PPP2R2C: variants seen among roughly 807,000 people sequenced by gnomAD.
PPP2R2C encodes protein phosphatase 2, regulatory subunit B, gamma.
In PPP2R2C, 10 loss-of-function variants were observed where a neutral mutation model predicts 45.3. The ratio of observed to expected loss-of-function variants is 0.22; its 90% CI spans 0.14 to 0.37. The LOEUF (loss-of-function observed/expected upper bound fraction) is 0.37. Ranked by LOEUF, PPP2R2C falls within the 10% of genes least tolerant of loss-of-function variation. The pLI, the probability that PPP2R2C is intolerant of heterozygous loss-of-function variation, is 1.00. For missense variants in PPP2R2C, 308 were observed against 619.7 expected (o/e 0.50, Z 5.34); for synonymous variants, 257 against 245.4 (o/e 1.05, Z -0.44).
At chr4:6,389,204 C>A (rs61215456) in intron 1 of PPP2R2C, among the ~76,000 whole-genome samples, 1 of 152,210 alleles carries the variant, frequency 6.6e-6, no homozygotes, top group Non-Finnish European at 1.5e-5. Flanking sequence ...ATGTGAAATT[C>A]AAACGATTCT....
At chr4:6,340,297 A>G (rs1733345621) in intron 6 of PPP2R2C, among the ~76,000 whole-genome samples, 1 of 151,924 alleles carries the variant, frequency 6.6e-6, no homozygotes, top group Non-Finnish European at 1.5e-5. Flanking sequence ...CCTCTCAGAC[A>G]CTACTGTGGG....
At chr4:6,453,906 C>T (rs928118889) in intron 1 of PPP2R2C, among the ~76,000 whole-genome samples, 6 of 152,312 alleles carry the variant, frequency 3.9e-5, no homozygotes, top group Admixed American at 3.3e-4. Context: ...TGCACCCCCA[C>T]CCGGCCCTGT....
intron 5 of PPP2R2C, among the ~76,000 whole-genome samples, chr4:6,358,790 A>G (rs1391043980): frequency 6.6e-6 from 1 of 152,262 alleles, no homozygotes. Flanking sequence ...CAAAACCACA[A>G]TGAGATACCA....
At chr4:6,545,914 G>A (rs1439901584) in intron 1 of PPP2R2C, among the ~76,000 whole-genome samples, 1 of 152,192 alleles carries the variant, frequency 6.6e-6, no homozygotes, top group Non-Finnish European at 1.5e-5. Context: ...TGGGAATAGA[G>A]GTAGAAAGCT....
intron 5 of PPP2R2C, chr4:6,351,125 C>A: frequency 2.9e-6 from 2 of 684,674 alleles, no homozygotes; most frequent in Non-Finnish European, 3.6e-6. Flanking sequence ...ACCAACATAC[C>A]AAAACCCCGT....
chr4:6,501,808 C>T (rs1167336095), intron 2 of PPP2R2C, among the ~76,000 whole-genome samples: 1 of 152,204 alleles, frequency 6.6e-6, no homozygotes, highest in Non-Finnish European at 1.5e-5. Context: ...CCTCAGCCTC[C>T]AGAGGACAGA....
intron 1 of PPP2R2C, among the ~76,000 whole-genome samples, chr4:6,457,207 C>CAAAAAAA (rs34145628): frequency 0.37 from 32,108 of 87,572 alleles, 6,424 homozygotes; most frequent in Non-Finnish European, 0.48. Context: ...GACTCCATCT[C>CAAAAAAA]AAAAAAAAAA....
intron 1 of PPP2R2C, among the ~76,000 whole-genome samples, chr4:6,552,708 G>T (rs886197973): frequency 2.0e-5 from 3 of 152,124 alleles, no homozygotes; most frequent in Admixed American, 6.5e-5. Context: ...ACTTCCTTTT[G>T]CCATGTAAGG....
chr4:6,437,290 C>T (rs1446304985), intron 1 of PPP2R2C, among the ~76,000 whole-genome samples: 3 of 152,224 alleles, frequency 2.0e-5, no homozygotes, highest in Admixed American at 6.5e-5. Flanking sequence ...TGGTAAAGGG[C>T]TAGGCTGAAC....
At chr4:6,383,245 C>G (rs1004277031) in intron 1 of PPP2R2C, 1 of 1,214,858 alleles carries the variant, frequency 8.2e-7, no homozygotes, top group Admixed American at 2.9e-5. Context: ...ACCCCCCCAA[C>G]CCCCGGCCAA....
At chr4:6,537,945 G>C (rs905943656) in intron 1 of PPP2R2C, among the ~76,000 whole-genome samples, 11 of 152,132 alleles carry the variant, frequency 7.2e-5, no homozygotes, top group African/African-American at 2.4e-4. Context: ...AATTCATAGA[G>C]ACAGGAAGCA....
At chr4:6,487,914 T>C (rs917096864) in intron 2 of PPP2R2C, among the ~76,000 whole-genome samples, 1 of 152,202 alleles carries the variant, frequency 6.6e-6, no homozygotes, top group Non-Finnish European at 1.5e-5. Context: ...TTTTTGTTCT[T>C]TTTTTATCTT....
rs190977460 is a variant in PPP2R2C, at chr4:6,528,198, C to A, written c.49+7073G>T. ...CCTCGGCCCCTGCCCGGGCAAACATCTCTTCCTCTTCCCGGCCTGCAAAGC... is the reference window on the plus strand; with the variant it reads ...CCTCGGCCCCTGCCCGGGCAAACATATCTTCCTCTTCCCGGCCTGCAAAGC... On this transcript the variant is annotated intron_variant, in intron 2 of 9. Coordinates refer to the PPP2R2C transcript ENST00000506140. Among the ~76,000 whole-genome samples, 311 of 152,376 alleles carry A rather than the reference C, an allele frequency of 2.0e-3. 1 individual carries two copies. Among genetic ancestry groups the A allele is most frequent in the Non-Finnish European group, 3.3e-3 (225 of 68,044 alleles).
intron 1 of PPP2R2C, among the ~76,000 whole-genome samples, chr4:6,451,110 G>T (rs1471089393): frequency 6.6e-6 from 1 of 152,196 alleles, no homozygotes; most frequent in Non-Finnish European, 1.5e-5. Flanking sequence ...TCAGCCTATT[G>T]TCTCTTCCAC....
intron 1 of PPP2R2C, among the ~76,000 whole-genome samples, chr4:6,543,423 AAAC>A (rs1228224968): frequency 2.6e-5 from 4 of 152,308 alleles, no homozygotes; most frequent in African/African-American, 7.2e-5. Flanking sequence ...ATGGTTAAAA[AAAC>A]AACAACAAAT....
At chr4:6,555,737 A>G (rs1725378234) in intron 1 of PPP2R2C, 1 of 152,270 alleles carries the variant, frequency 6.6e-6, no homozygotes, top group Non-Finnish European at 1.5e-5. Flanking sequence ...CACTGCTGAC[A>G]GAAGCGGGTG....
intron 1 of PPP2R2C, among the ~76,000 whole-genome samples, chr4:6,559,696 C>G (rs1301412369): frequency 1.3e-5 from 2 of 152,160 alleles, no homozygotes; most frequent in African/African-American, 4.8e-5. Flanking sequence ...CTAAAATAGA[C>G]TCAAGGGAGC....
At chr4:6,537,947 C>T (rs1001724061) in intron 1 of PPP2R2C, among the ~76,000 whole-genome samples, 11 of 152,042 alleles carry the variant, frequency 7.2e-5, no homozygotes, top group Admixed American at 2.6e-4. Context: ...TTCATAGAGA[C>T]AGGAAGCAGA....
intron 5 of PPP2R2C, among the ~76,000 whole-genome samples, chr4:6,370,443 T>A (rs938660380): frequency 6.6e-6 from 1 of 152,036 alleles, no homozygotes; most frequent in Non-Finnish European, 1.5e-5. Flanking sequence ...CTCCCCCACA[T>A]CCAGGGGTTG....
Sources: gnomAD v4.1 joint callset for allele counts (sites outside exome capture counted in the v4.1 genomes callset) on GRCh38, gnomAD v4.1.1 for gene constraint, MANE v1.5 for transcripts, NCBI Gene and HGNC (gene_info 2026-07-23, HGNC 2026-07-21) for gene names.